Variants in FBXL17 observed in about 807,000 individuals in gnomAD.
FBXL17 encodes the protein F-box and leucine rich repeat protein 17.
FBXL17 carries 22 observed loss-of-function variants against 66.2 expected under a neutral mutation model. The observed-to-expected ratio is 0.33, with a 90% CI of 0.24 to 0.47. The LOEUF is 0.47. FBXL17 is among the 20% of genes least tolerant of loss of function. FBXL17 has a pLI of 1.00. For missense variants in FBXL17, 878 were observed against 948.2 expected, an observed-to-expected ratio of 0.93 and a Z score of 0.97; for synonymous variants, 474 against 400.5, an observed-to-expected ratio of 1.18 and a Z score of -2.19.
At chr5:107,883,542 C>A (rs764294168) in intron 7 of FBXL17, among the ~76,000 whole-genome samples, 3 of 152,134 alleles carry the variant, frequency 2.0e-5, no homozygotes, top group African/African-American at 7.2e-5. Flanking sequence ...GCTTACCCCC[C>A]ATCTCTTCCC....
At chr5:108,193,160 T>A (rs981249907) in intron 5 of FBXL17, among the ~76,000 whole-genome samples, 2 of 152,148 alleles carry the variant, frequency 1.3e-5, no homozygotes, top group Admixed American at 6.5e-5. Context: ...GGGAGCAAAG[T>A]CAAGGGTTAA....
rs191301973 is a variant in FBXL17 at position 108,006,192 on chromosome 5, G to A, written c.1822+14733C>T. On this transcript the variant is annotated intron_variant, in intron 7 of 8. Transcript: ENST00000542267. ...TGTAACCCAGGATAAACACCATATT[G>A]CTAAAGTCATAAAAAAATTAATTTA... is the stretch of plus-strand genomic sequence containing the variant. 2.0e-3 allele frequency among the ~76,000 whole-genome samples: 308 copies of A among 152,274 alleles called. 2 individuals are homozygous for A. Among genetic ancestry groups the A allele is most frequent in the African/African-American group, 7.0e-3 (291 of 41,558 alleles).
chr5:107,886,048 G>C (rs891039557), intron 7 of FBXL17, among the ~76,000 whole-genome samples: 2 of 152,130 alleles, frequency 1.3e-5, no homozygotes, highest in African/African-American at 4.8e-5. Flanking sequence ...CTATGCCAAA[G>C]GGGATAGGAA....
intron 3 of FBXL17, among the ~76,000 whole-genome samples, chr5:108,363,650 T>C (rs1028539554): frequency 6.6e-6 from 1 of 151,984 alleles, no homozygotes; most frequent in African/African-American, 2.4e-5. Context: ...TTGCTCCTTC[T>C]CTACTTCAAC....
intron 4 of FBXL17, among the ~76,000 whole-genome samples, chr5:108,321,292 A>T (rs1046877833): frequency 7.9e-5 from 12 of 151,860 alleles, no homozygotes; most frequent in African/African-American, 2.7e-4. Flanking sequence ...CAAAGTGTCT[A>T]TGGGTAGAGG....
At chr5:108,234,781 TGAAGAA>T (rs1012857963) in intron 4 of FBXL17, among the ~76,000 whole-genome samples, 1 of 152,176 alleles carries the variant, frequency 6.6e-6, no homozygotes, top group African/African-American at 2.4e-5. Flanking sequence ...TCAGAGGTGT[TGAAGAA>T]GCTGCATTAG....
chr5:108,359,452 G>C (rs951517370), intron 3 of FBXL17, among the ~76,000 whole-genome samples: 51 of 152,072 alleles, frequency 3.4e-4, no homozygotes, highest in African/African-American at 1.2e-3. Context: ...TGCCCTCTGA[G>C]CACTGCTTTT....
chr5:107,993,418 T>C (rs1481965413), intron 7 of FBXL17, among the ~76,000 whole-genome samples: 2 of 152,176 alleles, frequency 1.3e-5, no homozygotes, highest in African/African-American at 4.8e-5. Flanking sequence ...TACAGGGATT[T>C]ATTAAACCAC....
intron 5 of FBXL17, among the ~76,000 whole-genome samples, chr5:108,215,231 T>C (rs1754549302): frequency 6.6e-6 from 1 of 152,254 alleles, no homozygotes; most frequent in South Asian, 2.1e-4. Context: ...ATACTTAGGA[T>C]TGAAATTTCT....
At chr5:108,281,385 C>G (rs1392398756) in intron 4 of FBXL17, among the ~76,000 whole-genome samples, 1 of 151,772 alleles carries the variant, frequency 6.6e-6, no homozygotes, top group African/African-American at 2.4e-5. Flanking sequence ...AAGAGGGACT[C>G]TGGAAATTTT....
intron 7 of FBXL17, among the ~76,000 whole-genome samples, chr5:107,978,536 C>T (rs973095771): frequency 4.6e-5 from 7 of 152,160 alleles, no homozygotes; most frequent in African/African-American, 1.4e-4. Context: ...ATTGACCTTT[C>T]GAGATGTTTT....
intron 7 of FBXL17, among the ~76,000 whole-genome samples, chr5:107,969,929 G>A (rs1752304873): frequency 6.6e-6 from 1 of 152,116 alleles, no homozygotes; most frequent in Admixed American, 6.5e-5. Flanking sequence ...CTAATGCCAT[G>A]CTACATAATT....
In FBXL17 at chr5:108,262,070, A is replaced by T. The variant is rs868090095; in HGVS notation, c.1507-37842T>A. On this transcript the variant is annotated intron_variant, in intron 4 of 8. Transcript: ENST00000542267. ...TGATACATATTTTATTTATTTATTT[A>T]TTTATTTATTTATTTATTTTTTTTG... Among the ~76,000 whole-genome samples the T allele has an allele frequency of 4.4e-3, 614 of 138,876 alleles. 6 individuals carry two copies. The highest frequency in any genetic ancestry group is 0.016 in the African/African-American group (502 of 32,270). The allele number at this position is 138,876 out of a possible 152,430, so 91.1% of individuals were successfully genotyped here. A position where few individuals can be genotyped will look rare whatever the true frequency, so the allele number is the denominator to read the frequency against.
intron 7 of FBXL17, among the ~76,000 whole-genome samples, chr5:107,958,433 T>C (rs1751752536): frequency 6.6e-6 from 1 of 152,182 alleles, no homozygotes; most frequent in South Asian, 2.1e-4. Context: ...AGCTAGAAAA[T>C]TTGAGAATCA....
At chr5:108,013,465 A>C (rs1239607240) in intron 7 of FBXL17, among the ~76,000 whole-genome samples, 1 of 152,140 alleles carries the variant, frequency 6.6e-6, no homozygotes, top group Non-Finnish European at 1.5e-5. Flanking sequence ...GGGTTGTTCT[A>C]CCTCAAATGC....
At chr5:108,064,580 C>G (rs902805058) in intron 6 of FBXL17, among the ~76,000 whole-genome samples, 3 of 152,122 alleles carry the variant, frequency 2.0e-5, no homozygotes, top group Non-Finnish European at 2.9e-5. Flanking sequence ...TGATTTTGCT[C>G]TTATAGAGAA....
At chr5:107,931,831 T>C (rs1377277268) in intron 7 of FBXL17, among the ~76,000 whole-genome samples, 1 of 152,236 alleles carries the variant, frequency 6.6e-6, no homozygotes, top group Non-Finnish European at 1.5e-5. Flanking sequence ...ATGCCATTTC[T>C]ATTAACATAA....
intron 6 of FBXL17, among the ~76,000 whole-genome samples, chr5:108,100,484 G>A (rs564833707): frequency 6.6e-5 from 10 of 152,162 alleles, no homozygotes; most frequent in African/African-American, 2.2e-4. Context: ...TATTATGTAA[G>A]TATTTCAACA....
chr5:107,932,077 G>A (rs376239834), intron 7 of FBXL17, among the ~76,000 whole-genome samples: 5 of 152,070 alleles, frequency 3.3e-5, no homozygotes, highest in African/African-American at 1.2e-4. Flanking sequence ...TTTGGATGTT[G>A]GTAGAAAGAG....
Sources: allele counts gnomAD v4.1 joint callset (sites outside exome capture counted in the v4.1 genomes callset), GRCh38; gene constraint gnomAD v4.1.1; transcripts MANE v1.5; gene names NCBI Gene and HGNC (gene_info 2026-07-23, HGNC 2026-07-21).